The following TG variants were observed in gnomAD, a reference collection of about 807,000 sequenced individuals.
The protein encoded by TG is thyroglobulin.
In TG, 270 loss-of-function variants were observed where a neutral mutation model predicts 324.7. That is an observed-to-expected ratio of 0.83 (90% CI 0.75 to 0.92). The LOEUF is 0.92. TG is among the 40% of genes least tolerant of loss of function. TG has a pLI of 0.00. For synonymous variants in TG, 1,401 were observed against 1,327.0 expected (o/e 1.06, Z -1.21); for missense variants, 3,591 against 3,456.4 (o/e 1.04, Z -0.98).
At chr8:133,127,161 T>A (rs1851585346) in intron 45 of TG, among the ~76,000 whole-genome samples, 1 of 152,124 alleles carries the variant, frequency 6.6e-6, no homozygotes, top group Non-Finnish European at 1.5e-5. Flanking sequence ...CCTCACCTCA[T>A]CATAAGGGGA....
chr8:133,051,232 T>C (rs1193958669), intron 41 of TG, among the ~76,000 whole-genome samples: 1 of 152,218 alleles, frequency 6.6e-6, no homozygotes, highest in East Asian at 1.9e-4. Flanking sequence ...ACGAGTCTAC[T>C]AGCCTCACCC....
Position 133,007,606 on chromosome 8 carries a change from G to A in TG, c.6263-4295G>A, listed in dbSNP as rs149283124. Among the ~76,000 whole-genome samples the A allele has an allele frequency of 2.2e-3, 341 of 152,122 alleles. 3 individuals are homozygous for A. The highest frequency in any genetic ancestry group is 7.9e-3 in the African/African-American group (327 of 41,500). On this transcript the variant is annotated intron_variant, in intron 35 of 47. Coordinates refer to ENST00000220616, the MANE Select transcript of TG (RefSeq NM_003235.5). ...TGACCCTGATCAGGATTTGTTTTAG[G>A]ACGGAACTCGAACTTATAATTTTAG...
rs1369650953 is a variant in TG at position 132,905,220 on chromosome 8, C to T, written c.3635-1468C>T. ...TGTCACAGAGACACTAATTAATTTG[C>T]TCTAGGACCCTGAACTAGTGAATAT... is the stretch of plus-strand genomic sequence containing the variant. On this transcript the variant is annotated intron_variant, in intron 16 of 47. Coordinates refer to ENST00000220616, the MANE Select transcript of TG (RefSeq NM_003235.5). Among the ~76,000 whole-genome samples the T allele has an allele frequency of 2.6e-5, 4 of 152,292 alleles. No homozygotes were observed. In the East Asian group the frequency reaches 5.8e-4, roughly 22 times the overall value.
intron 11 of TG, among the ~76,000 whole-genome samples, chr8:132,895,459 C>T (rs868228335): frequency 6.6e-6 from 1 of 152,254 alleles, no homozygotes; most frequent in South Asian, 2.1e-4. Flanking sequence ...TTTCCTGCTT[C>T]TCTCTCACAC....
intron 41 of TG, among the ~76,000 whole-genome samples, chr8:133,079,074 C>T (rs1845345821): frequency 6.6e-6 from 1 of 152,150 alleles, no homozygotes; most frequent in Non-Finnish European, 1.5e-5. Context: ...CTTCTAGGTC[C>T]ATGTACTGAG....
intron 41 of TG, chr8:133,074,926 C>A (rs139888054): frequency 8.1e-6 from 8 of 985,420 alleles, no homozygotes; most frequent in Middle Eastern, 5.2e-4. Flanking sequence ...ACTGCCTCTC[C>A]GTCTGTCAAC....
intron 35 of TG, chr8:133,002,495 C>T: frequency 1.1e-6 from 1 of 884,038 alleles, no homozygotes; most frequent in Non-Finnish European, 1.4e-6. Flanking sequence ...AATTCAGACA[C>T]AATTAAAATT....
At chr8:132,894,207 C>T (rs1003905520) in intron 11 of TG, among the ~76,000 whole-genome samples, 3 of 152,092 alleles carry the variant, frequency 2.0e-5, no homozygotes, top group Non-Finnish European at 2.9e-5. Flanking sequence ...TGTTAAAATG[C>T]GAGGGACCCA....
chr8:133,040,152 C>A (rs373633199), intron 41 of TG: 25 of 1,573,334 alleles, frequency 1.6e-5, no homozygotes, highest in South Asian at 8.2e-5. Context: ...AGCAGACAGC[C>A]GGTCAGGGAC....
At chr8:133,057,774 C>CAAAAAAAAA (rs5895173) in intron 41 of TG, among the ~76,000 whole-genome samples, 16 of 141,972 alleles carry the variant, frequency 1.1e-4, no homozygotes, top group Non-Finnish European at 2.1e-4. Flanking sequence ...AAACAAAAAA[C>CAAAAAAAAA]AAAAAAAAAA....
intron 3 of TG, among the ~76,000 whole-genome samples, chr8:132,870,556 T>C (rs180205): frequency 0.58 from 86,657 of 150,704 alleles, 25,031 homozygotes; most frequent in East Asian, 0.67. Context: ...TCAATAGGGG[T>C]GATCATTGCT....
rs1018977525 is a variant in TG, at chr8:133,018,084, C to T, written c.6782+87C>T. On this transcript the variant is annotated intron_variant, in intron 38 of 47. Coordinates refer to ENST00000220616, the MANE Select transcript of TG (RefSeq NM_003235.5). ...ATCCAAATGGGACTCAGTAGCAGAG[C>T]AGTGCATTTTGGATAAAGCAATGTA... The T allele has an allele frequency of 8.2e-6, 11 of 1,333,798 alleles. No homozygotes were observed. The African/African-American group carries it at 1.6e-4, about 19-fold the overall frequency. 82.6% of individuals were successfully genotyped at this position (1,333,798 alleles called of 1,614,324 possible).
chr8:133,017,126 C>T (rs547657519), intron 37 of TG, among the ~76,000 whole-genome samples: 15 of 152,324 alleles, frequency 9.8e-5, no homozygotes, highest in African/African-American at 3.6e-4. Context: ...TTGAATCCTA[C>T]ATCACCCTAT....
intron 27 of TG, among the ~76,000 whole-genome samples, chr8:132,949,689 C>T (rs1825833902): frequency 6.6e-6 from 1 of 152,200 alleles, no homozygotes; most frequent in Non-Finnish European, 1.5e-5. Context: ...CAGAAATAAC[C>T]ACTGGGCTTT....
intron 3 of TG, among the ~76,000 whole-genome samples, chr8:132,870,348 G>A (rs1412028564): frequency 6.7e-6 from 1 of 148,548 alleles, no homozygotes; most frequent in Non-Finnish European, 1.5e-5. Context: ...TAAAAGCTCT[G>A]TTTGGGGTAC....
At chr8:132,971,662 A>G (rs1028042082) in intron 32 of TG, 132 bp from the exon 33 acceptor site, 2 of 713,622 alleles carry the variant, frequency 2.8e-6, no homozygotes, top group Non-Finnish European at 5.2e-6. Context: ...TGACCAAAGC[A>G]CCCCCAGTTT....
At chr8:133,087,492 C>G (rs1302418682) in intron 41 of TG, among the ~76,000 whole-genome samples, 1 of 152,164 alleles carries the variant, frequency 6.6e-6, no homozygotes, top group Non-Finnish European at 1.5e-5. Context: ...CAAAGGTTTT[C>G]TAAATGGACT....
At chr8:133,132,632 C>A (rs1052996178) in intron 46 of TG, among the ~76,000 whole-genome samples, 1 of 152,060 alleles carries the variant, frequency 6.6e-6, no homozygotes, top group Non-Finnish European at 1.5e-5. Flanking sequence ...GCTAGGTTCC[C>A]TGGAAAGATA....
intron 35 of TG, among the ~76,000 whole-genome samples, chr8:133,003,485 T>C (rs1451023321): frequency 6.6e-6 from 1 of 151,998 alleles, no homozygotes; most frequent in Non-Finnish European, 1.5e-5. Flanking sequence ...ATATGTTAAC[T>C]ATAGTCACTG....
Sources: allele counts gnomAD v4.1 joint callset (sites outside exome capture counted in the v4.1 genomes callset), GRCh38; gene constraint gnomAD v4.1.1; transcripts MANE v1.5; gene names NCBI Gene and HGNC (gene_info 2026-07-23, HGNC 2026-07-21).